STPG2: variants seen among roughly 807,000 people sequenced by gnomAD.
The protein encoded by STPG2 is sperm tail PG-rich repeat containing 2.
A neutral mutation model predicts 54.2 loss-of-function variants in STPG2; 56 were observed. The observed-to-expected ratio is 1.03, with a 90% CI of 0.83 to 1.29. The LOEUF (loss-of-function observed/expected upper bound fraction) is 1.29, where lower values mean the gene tolerates loss of function less well. Ranked by LOEUF, STPG2 falls within the 50% of genes most tolerant of loss-of-function variation. The probability of loss-of-function intolerance (pLI) is 0.00; values close to 1 mark genes in which losing one functional copy is unlikely to be tolerated. For synonymous variants in STPG2, 200 were observed against 181.8 expected, an observed-to-expected ratio of 1.10 and a Z score of -0.81; for missense variants, 596 against 544.9, an observed-to-expected ratio of 1.09 and a Z score of -0.93.
chr4:97,585,101 C>CAAAAAAAAAAAAAAAAAAAAAAA, intron 10 of STPG2, among the ~76,000 whole-genome samples: 1 of 46,250 alleles, frequency 2.2e-5, no homozygotes, highest in Non-Finnish European at 3.4e-5. Context: ...AAAATATTCT[C>CAAAAAAAAAAAAAAAAAAAAAAA]AAAAAAAAAA....
rs191931081 is a variant in STPG2, at chr4:98,044,426, G to A, written c.612+61527C>T. ...TTCTTTGCCCTCCCTTCACACCTTG[G>A]GATAAATCTGTATCAAGATGGTTCT... On this transcript the variant is annotated intron_variant, in intron 5 of 10. Transcript: ENST00000295268. 1.2e-4 allele frequency among the ~76,000 whole-genome samples: 18 copies of A among 152,172 alleles called. No homozygotes were observed. The East Asian group carries it at 3.1e-3, about 26-fold the overall frequency.
intron 4 of STPG2, among the ~76,000 whole-genome samples, chr4:97,541,068 G>A (rs1294704700): frequency 1.3e-5 from 2 of 152,156 alleles, no homozygotes; most frequent in Non-Finnish European, 2.9e-5. Context: ...ACAAGACAGG[G>A]ATGACTTCTC....
At chr4:97,776,597 G>A (rs1338889827) in intron 9 of STPG2, among the ~76,000 whole-genome samples, 1 of 152,216 alleles carries the variant, frequency 6.6e-6, no homozygotes, top group Non-Finnish European at 1.5e-5. Flanking sequence ...AGTTCCATTT[G>A]ATGAGATCTG....
intron 9 of STPG2, among the ~76,000 whole-genome samples, chr4:97,831,628 C>A (rs1031466121): frequency 1.1e-4 from 17 of 151,768 alleles, no homozygotes; most frequent in African/African-American, 3.9e-4. Context: ...ACTAACCAGA[C>A]TAATAAAGAA....
At chr4:97,544,237 A>G (rs1341381310) in intron 4 of STPG2, among the ~76,000 whole-genome samples, 1 of 152,152 alleles carries the variant, frequency 6.6e-6, no homozygotes, top group African/African-American at 2.4e-5. Flanking sequence ...AATGCAATCC[A>G]TGGAGATATC....
At chr4:98,074,386 A>G (rs573563182) in intron 5 of STPG2, among the ~76,000 whole-genome samples, 5 of 152,280 alleles carry the variant, frequency 3.3e-5, no homozygotes, top group Admixed American at 6.5e-5. Flanking sequence ...AGCAATTTTA[A>G]TATGTTGTGC....
At chr4:97,766,819 C>G (rs1726069100) in intron 9 of STPG2, among the ~76,000 whole-genome samples, 2 of 151,906 alleles carry the variant, frequency 1.3e-5, no homozygotes, top group Non-Finnish European at 2.9e-5. Flanking sequence ...TCTGTTTCCT[C>G]TATCTCTTCT....
At chr4:97,806,884 G>T (rs1458402652) in intron 9 of STPG2, among the ~76,000 whole-genome samples, 1 of 152,066 alleles carries the variant, frequency 6.6e-6, no homozygotes, top group Non-Finnish European at 1.5e-5. Context: ...AAACATAAGT[G>T]CATATGAACC....
At chr4:97,720,992 T>G (rs545553392) in intron 9 of STPG2, among the ~76,000 whole-genome samples, 1 of 152,076 alleles carries the variant, frequency 6.6e-6, no homozygotes. Flanking sequence ...CTCCCTCATA[T>G]TTTTAACTAG....
At chr4:98,112,807 CA>C (rs1432286126) in intron 3 of STPG2, among the ~76,000 whole-genome samples, 1 of 151,828 alleles carries the variant, frequency 6.6e-6, no homozygotes, top group Admixed American at 6.6e-5. Flanking sequence ...GTGAACAAAG[CA>C]AAACAACCAA....
At chr4:97,963,239 G>C (rs1036989780) in intron 7 of STPG2, among the ~76,000 whole-genome samples, 1 of 152,026 alleles carries the variant, frequency 6.6e-6, no homozygotes, top group East Asian at 1.9e-4. Flanking sequence ...ATAATGAACT[G>C]TTAGTACATT....
At chr4:97,469,232 G>T (rs981105509) in intron 4 of STPG2, among the ~76,000 whole-genome samples, 1 of 152,016 alleles carries the variant, frequency 6.6e-6, no homozygotes, top group Admixed American at 6.6e-5. Context: ...ACAACCCAGT[G>T]ACATTTATAA....
At chr4:97,694,964 G>C (rs1285463414) in intron 10 of STPG2, among the ~76,000 whole-genome samples, 1 of 151,246 alleles carries the variant, frequency 6.6e-6, no homozygotes. Context: ...TAGAGAAAGA[G>C]GGAATCCTTC....
chr4:97,732,796 C>T (rs1274051384), intron 9 of STPG2, among the ~76,000 whole-genome samples: 1 of 151,598 alleles, frequency 6.6e-6, no homozygotes, highest in Non-Finnish European at 1.5e-5. Flanking sequence ...AGACATTTCA[C>T]CAAAGAAGAT....
At chr4:97,673,170 A>G (rs2148970946) in intron 10 of STPG2, among the ~76,000 whole-genome samples, 1 of 152,324 alleles carries the variant, frequency 6.6e-6, no homozygotes, top group Non-Finnish European at 1.5e-5. Context: ...ATTACAGGAA[A>G]CAATGTCAGT....
intron 10 of STPG2, among the ~76,000 whole-genome samples, chr4:97,680,752 A>T (rs1288076147): frequency 6.6e-6 from 1 of 151,998 alleles, no homozygotes; most frequent in East Asian, 1.9e-4. Flanking sequence ...TGGAATAGCC[A>T]GGTGGACCCC....
intron 4 of STPG2, among the ~76,000 whole-genome samples, chr4:97,540,402 A>G (rs1731665472): frequency 6.6e-6 from 1 of 152,198 alleles, no homozygotes; most frequent in South Asian, 2.1e-4. Flanking sequence ...CTCGACACAT[A>G]CACCCTCCCA....
At chr4:97,805,777 C>A (rs1332248320) in intron 9 of STPG2, among the ~76,000 whole-genome samples, 2 of 148,284 alleles carry the variant, frequency 1.3e-5, no homozygotes, top group African/African-American at 5.0e-5. Context: ...CAGAGAAATG[C>A]AAATCAAAAC....
intron 10 of STPG2, among the ~76,000 whole-genome samples, chr4:97,678,494 T>A (rs574766546): frequency 6.6e-6 from 1 of 152,152 alleles, no homozygotes; most frequent in East Asian, 1.9e-4. Flanking sequence ...TATTAAACAA[T>A]GTAATCAGCA....
Sources: gnomAD v4.1 joint callset for allele counts (sites outside exome capture counted in the v4.1 genomes callset) on GRCh38, gnomAD v4.1.1 for gene constraint, MANE v1.5 for transcripts, NCBI Gene and HGNC (gene_info 2026-07-23, HGNC 2026-07-21) for gene names.